IMMP1L: variants seen among roughly 807,000 people sequenced by gnomAD.
IMMP1L encodes inner mitochondrial membrane peptidase subunit 1, also known as mitochondrial inner membrane protease subunit 1.
A neutral mutation model predicts 21.8 loss-of-function variants in IMMP1L; 24 were observed. The observed-to-expected ratio is 1.10, with a 90% CI of 0.80 to 1.55. The LOEUF (loss-of-function observed/expected upper bound fraction) is 1.55. IMMP1L is among the 40% of genes most tolerant of loss of function. The pLI is 0.00. For missense variants in IMMP1L, 195 were observed against 200.7 expected, an observed-to-expected ratio of 0.97 and a Z score of 0.17; for synonymous variants, 46 against 62.8, an observed-to-expected ratio of 0.73 and a Z score of 1.26.
intron 1 of IMMP1L, among the ~76,000 whole-genome samples, chr11:31,465,031 T>C (rs968410536): frequency 1.7e-4 from 26 of 152,052 alleles, no homozygotes; most frequent in African/African-American, 4.8e-4. Flanking sequence ...ATCTTATATA[T>C]AGAAAAACCT....
At chr11:31,460,200 C>T (rs1259853564) in intron 3 of IMMP1L, among the ~76,000 whole-genome samples, 6 of 152,046 alleles carry the variant, frequency 3.9e-5, no homozygotes, top group Non-Finnish European at 5.9e-5. Flanking sequence ...AACCATCAAA[C>T]GGTCATCATA....
At position 31,456,131 on chromosome 11, in the gene IMMP1L, T is replaced by C. The variant is rs181956700; in HGVS notation, c.321+129A>G. The C allele has an allele frequency of 4.2e-4, 242 of 582,658 alleles. 2 individuals are homozygous for C. Among genetic ancestry groups the C allele is most frequent in the African/African-American group, 4.0e-3 (213 of 53,410 alleles). The allele number at this position is 582,658 out of a possible 1,614,324, so 36.1% of individuals were successfully genotyped here. On this transcript the variant is annotated intron_variant, in intron 4 of 5. Coordinates refer to ENST00000532287, the MANE Select transcript of IMMP1L (RefSeq NM_001304274.2). The stretch of plus-strand genomic sequence containing the variant: ...GGCTGAATTGTTCTTGATATAAACA[T>C]TTAAATTCTACTGGATGCCCTTTTT...
chr11:31,456,182 A>G, intron 4 of IMMP1L, 78 bp downstream of exon 4: 1 of 1,005,782 alleles, frequency 9.9e-7, no homozygotes, highest in Non-Finnish European at 1.4e-6. Flanking sequence ...ATGAATAAAC[A>G]TTATTTTCTT....
chr11:31,479,872 T>A (rs373341648), intron 1 of IMMP1L, among the ~76,000 whole-genome samples: 1 of 152,032 alleles, frequency 6.6e-6, no homozygotes, highest in Non-Finnish European at 1.5e-5. Context: ...CATTCCAGTG[T>A]CAAATCTGGT....
chr11:31,444,579 A>G (rs1953450754), intron 4 of IMMP1L, among the ~76,000 whole-genome samples: 1 of 148,500 alleles, frequency 6.7e-6, no homozygotes, highest in Non-Finnish European at 1.5e-5. Context: ...AAAAACTAAC[A>G]TTTCTATTCT....
chr11:31,499,899 G>A (rs1407581580), intron 1 of IMMP1L, among the ~76,000 whole-genome samples: 1 of 150,568 alleles, frequency 6.6e-6, no homozygotes, highest in African/African-American at 2.4e-5. Context: ...ACTCCAAAGG[G>A]GTTCTGAGCT....
At chr11:31,473,989 G>C (rs1170959058) in intron 1 of IMMP1L, among the ~76,000 whole-genome samples, 1 of 152,186 alleles carries the variant, frequency 6.6e-6, no homozygotes, top group African/African-American at 2.4e-5. Flanking sequence ...TAGAGGAACA[G>C]AGTTTGAGAA....
chr11:31,472,910 G>A (rs1954611933), intron 1 of IMMP1L, among the ~76,000 whole-genome samples: 1 of 151,874 alleles, frequency 6.6e-6, no homozygotes, highest in African/African-American at 2.4e-5. Flanking sequence ...CTGTCGTCCA[G>A]GCTGGAGTGC....
chr11:31,506,876 T>C (rs1955793627), intron 1 of IMMP1L, among the ~76,000 whole-genome samples: 1 of 151,678 alleles, frequency 6.6e-6, no homozygotes, highest in South Asian at 2.1e-4. Flanking sequence ...AGGAGGATCA[T>C]TTGAACCCAG....
At chr11:31,489,261 A>C (rs922867060) in intron 1 of IMMP1L, among the ~76,000 whole-genome samples, 2 of 152,190 alleles carry the variant, frequency 1.3e-5, no homozygotes, top group African/African-American at 4.8e-5. Context: ...GTGACTTTTC[A>C]GTGTCTGCCA....
At chr11:31,488,656 G>A (rs188970576) in intron 1 of IMMP1L, among the ~76,000 whole-genome samples, 31 of 152,058 alleles carry the variant, frequency 2.0e-4, no homozygotes, top group African/African-American at 4.8e-4. Flanking sequence ...ATAAAAAAGC[G>A]GTAGAAAAGC....
intron 4 of IMMP1L, among the ~76,000 whole-genome samples, chr11:31,454,594 C>T (rs1009304373): frequency 2.0e-5 from 3 of 151,528 alleles, no homozygotes; most frequent in African/African-American, 4.9e-5. Context: ...TGAAACATCA[C>T]ACTATACCCC....
chr11:31,486,152 T>C (rs1301105690), intron 1 of IMMP1L, among the ~76,000 whole-genome samples: 1 of 151,826 alleles, frequency 6.6e-6, no homozygotes, highest in Non-Finnish European at 1.5e-5. Flanking sequence ...ATCTGATTTT[T>C]TCTGCAAGCT....
At chr11:31,505,496 T>C (rs906992738) in intron 1 of IMMP1L, among the ~76,000 whole-genome samples, 1 of 152,194 alleles carries the variant, frequency 6.6e-6, no homozygotes, top group Non-Finnish European at 1.5e-5. Context: ...AGTCTTCCAG[T>C]TATTCAAGAC....
At chr11:31,472,897 G>A (rs964315638) in intron 1 of IMMP1L, among the ~76,000 whole-genome samples, 7 of 151,594 alleles carry the variant, frequency 4.6e-5, no homozygotes, top group African/African-American at 1.2e-4. Context: ...ATGGAGTGTC[G>A]CTCTGTCGTC....
At chr11:31,493,905 G>A (rs1955338544) in intron 1 of IMMP1L, among the ~76,000 whole-genome samples, 1 of 152,232 alleles carries the variant, frequency 6.6e-6, no homozygotes, top group Non-Finnish European at 1.5e-5. Context: ...TGCAAGAGGT[G>A]GGCACCCATG....
intron 5 of IMMP1L, 71 bp from the exon 6 acceptor site, chr11:31,432,639 C>T: frequency 3.0e-6 from 3 of 1,000,068 alleles, no homozygotes; most frequent in African/African-American, 1.6e-5. Flanking sequence ...TTCCCTTTTG[C>T]TATCTGTCCC....
chr11:31,475,991 G>A (rs1174094854), intron 1 of IMMP1L, among the ~76,000 whole-genome samples: 1 of 152,090 alleles, frequency 6.6e-6, no homozygotes, highest in Non-Finnish European at 1.5e-5. Flanking sequence ...TGTTTTGAAT[G>A]CAAAACTACT....
intron 1 of IMMP1L, among the ~76,000 whole-genome samples, chr11:31,487,511 A>T (rs530653871): frequency 1.1e-4 from 17 of 152,290 alleles, no homozygotes; most frequent in African/African-American, 3.1e-4. Context: ...GTCTATGCAT[A>T]CAACATGAAG....
Sources: allele counts gnomAD v4.1 joint callset (sites outside exome capture counted in the v4.1 genomes callset), GRCh38; gene constraint gnomAD v4.1.1; transcripts MANE v1.5; gene names NCBI Gene and HGNC (gene_info 2026-07-23, HGNC 2026-07-21).